Variants in AKAP6 observed in about 807,000 individuals in gnomAD.
The protein encoded by AKAP6 is A-kinase anchor protein 6.
In AKAP6, 58 loss-of-function variants were observed where a neutral mutation model predicts 188.5. The ratio of observed to expected loss-of-function variants is 0.31; its 90% CI spans 0.25 to 0.38. The LOEUF (loss-of-function observed/expected upper bound fraction) is 0.38. Ranked by LOEUF, AKAP6 falls within the 10% of genes least tolerant of loss-of-function variation. AKAP6 has a pLI of 1.00. For missense variants in AKAP6, 2,710 were observed against 2,740.0 expected, an observed-to-expected ratio of 0.99 and a Z score of 0.24; for synonymous variants, 989 against 998.6, an observed-to-expected ratio of 0.99 and a Z score of 0.18.
At chr14:32,757,477 T>G (rs1351941877) in intron 11 of AKAP6, among the ~76,000 whole-genome samples, 2 of 152,156 alleles carry the variant, frequency 1.3e-5, no homozygotes, top group Non-Finnish European at 2.9e-5. Flanking sequence ...CAGCCCAGGC[T>G]CCCCTTTAAA....
intron 2 of AKAP6, among the ~76,000 whole-genome samples, chr14:32,516,174 G>C (rs1257587595): frequency 6.6e-6 from 1 of 152,202 alleles, no homozygotes; most frequent in Non-Finnish European, 1.5e-5. Context: ...TGCGTATTCT[G>C]TGATGATCTG....
intron 1 of AKAP6, among the ~76,000 whole-genome samples, chr14:32,413,500 C>T (rs1441683445): frequency 6.6e-6 from 1 of 152,088 alleles, no homozygotes; most frequent in Non-Finnish European, 1.5e-5. Flanking sequence ...TTCTTAAATC[C>T]TTGTGATATA....
At chr14:32,421,934 A>G (rs980001396) in intron 1 of AKAP6, among the ~76,000 whole-genome samples, 2 of 152,164 alleles carry the variant, frequency 1.3e-5, no homozygotes, top group African/African-American at 2.4e-5. Context: ...GAATGTCTGC[A>G]TTAATTGAAT....
At position 32,333,557 on chromosome 14, in the gene AKAP6, G is replaced by A. The variant is rs3784170; in HGVS notation, c.-35+4149G>A. On this transcript the variant is annotated intron_variant, in intron 1 of 13. Coordinates refer to ENST00000280979, the MANE Select transcript of AKAP6 (RefSeq NM_004274.5). ...ACTTTTTATTCCATGTGTTATTAGAGAAGCCCATTATCTGTGCACATTTGT... is the reference window on the plus strand; with the variant it reads ...ACTTTTTATTCCATGTGTTATTAGAAAAGCCCATTATCTGTGCACATTTGT... 9.5e-4 allele frequency among the ~76,000 whole-genome samples: 144 copies of A among 152,146 alleles called. 3 individuals are homozygous for A. In the East Asian group the frequency reaches 0.026, roughly 28 times the overall value.
At chr14:32,414,258 C>T (rs1036485458) in intron 1 of AKAP6, among the ~76,000 whole-genome samples, 7 of 151,994 alleles carry the variant, frequency 4.6e-5, no homozygotes, top group African/African-American at 1.7e-4. Flanking sequence ...GAGCAGTGTT[C>T]CCCAAAGTGT....
At chr14:32,693,239 G>C (rs1890255166) in intron 8 of AKAP6, among the ~76,000 whole-genome samples, 2 of 152,100 alleles carry the variant, frequency 1.3e-5, no homozygotes, top group Admixed American at 1.3e-4. Flanking sequence ...CTTGGTCAGG[G>C]ACCGGTGGTA....
intron 5 of AKAP6, among the ~76,000 whole-genome samples, chr14:32,586,592 C>G (rs994338207): frequency 1.3e-4 from 20 of 152,216 alleles, no homozygotes; most frequent in African/African-American, 4.8e-4. Context: ...GATTGCGTCA[C>G]TGCACTCCAG....
chr14:32,818,982 T>C lies in AKAP6; in HGVS notation c.3589-2420T>C, dbSNP rs140242377. Among the ~76,000 whole-genome samples, 764 of 152,320 alleles carry C rather than the reference T, an allele frequency of 5.0e-3. 4 individuals carry two copies. The highest frequency in any genetic ancestry group is 8.2e-3 in the Non-Finnish European group (556 of 68,028). On this transcript the variant is annotated intron_variant, in intron 12 of 13. Coordinates refer to ENST00000280979, the MANE Select transcript of AKAP6 (RefSeq NM_004274.5). ...TTAATATACTATTTGATTAGACTGA[T>C]TGATTGTTCCTACAGCTGAAGATTT...
chr14:32,754,141 C>T (rs182385047), intron 11 of AKAP6, among the ~76,000 whole-genome samples: 104 of 152,038 alleles, frequency 6.8e-4, no homozygotes, highest in African/African-American at 2.3e-3. Context: ...CTATTTCTCT[C>T]TTCGTTTCTG....
At chr14:32,376,501 TAATA>T (rs1482848685) in intron 1 of AKAP6, among the ~76,000 whole-genome samples, 1 of 152,176 alleles carries the variant, frequency 6.6e-6, no homozygotes, top group Non-Finnish European at 1.5e-5. Flanking sequence ...GCCTTTCATA[TAATA>T]AATGTTTGGT....
chr14:32,541,361 C>T (rs1201844158), intron 3 of AKAP6, among the ~76,000 whole-genome samples: 2 of 150,980 alleles, frequency 1.3e-5, no homozygotes, highest in Non-Finnish European at 2.9e-5. Context: ...TCAATATATT[C>T]ATGTAACATC....
intron 7 of AKAP6, among the ~76,000 whole-genome samples, chr14:32,664,835 G>A (rs1888852680): frequency 2.0e-5 from 3 of 152,100 alleles, no homozygotes; most frequent in Admixed American, 2.0e-4. Context: ...GGACCAGGAT[G>A]AGTCTCAGGC....
intron 1 of AKAP6, among the ~76,000 whole-genome samples, chr14:32,422,124 T>G (rs567601265): frequency 6.6e-6 from 1 of 152,166 alleles, no homozygotes; most frequent in South Asian, 2.1e-4. Flanking sequence ...TAAACATTTT[T>G]AAAAATCAAG....
chr14:32,380,414 C>T (rs1251131485), intron 1 of AKAP6, among the ~76,000 whole-genome samples: 1 of 152,178 alleles, frequency 6.6e-6, no homozygotes, highest in Non-Finnish European at 1.5e-5. Flanking sequence ...GTTTATTTAT[C>T]TCTCACTCTC....
chr14:32,704,579 T>A (rs1417958931), intron 9 of AKAP6, among the ~76,000 whole-genome samples: 1 of 152,188 alleles, frequency 6.6e-6, no homozygotes, highest in East Asian at 1.9e-4. Context: ...TCTTTAGTGG[T>A]TATATTCATA....
chr14:32,400,985 A>G (rs1267331358), intron 1 of AKAP6, among the ~76,000 whole-genome samples: 1 of 152,188 alleles, frequency 6.6e-6, no homozygotes, highest in Non-Finnish European at 1.5e-5. Flanking sequence ...GATGAGGGGA[A>G]GTCTGCTGGG....
chr14:32,355,169 A>G (rs184333575), intron 1 of AKAP6, among the ~76,000 whole-genome samples: 44 of 152,356 alleles, frequency 2.9e-4, no homozygotes, highest in African/African-American at 1.1e-3. Context: ...TGTTGCTTAC[A>G]GAAGAAGGAT....
chr14:32,822,701 A>G lies in AKAP6; in HGVS notation c.4888A>G (p.Lys1630Glu), dbSNP rs1010382850. The change falls in exon 13 of 14, where the codon AAA (lysine) becomes GAA (glutamate). Residue 1630 changes from lysine to glutamate, a missense_variant. Coordinates refer to ENST00000280979, the MANE Select transcript of AKAP6 (RefSeq NM_004274.5). ...VSSGSVGELSKRTLDLLNRLE... is the reference protein window; with the variant it reads ...VSSGSVGELSERTLDLLNRLE... ...CAGTGGCTCAGTTGGTGAACTAAGTAAAAGAACATTAGATCTCCTGAATCG... is the reference window on the plus strand; with the variant it reads ...CAGTGGCTCAGTTGGTGAACTAAGTGAAAGAACATTAGATCTCCTGAATCG... The G allele has an allele frequency of 1.2e-6, 2 of 1,613,902 alleles. No homozygotes were observed. The highest frequency in any genetic ancestry group is 2.7e-5 in the African/African-American group (2 of 74,918).
chr14:32,541,671 T>A (rs1882961392), intron 3 of AKAP6, among the ~76,000 whole-genome samples: 1 of 152,146 alleles, frequency 6.6e-6, no homozygotes, highest in Non-Finnish European at 1.5e-5. Flanking sequence ...TTTAAATAGG[T>A]TTTATGAGAT....
Sources: allele counts gnomAD v4.1 joint callset (sites outside exome capture counted in the v4.1 genomes callset), GRCh38; gene constraint gnomAD v4.1.1; transcripts MANE v1.5; gene names NCBI Gene and HGNC (gene_info 2026-07-23, HGNC 2026-07-21).